CEP104: variants seen among roughly 807,000 people sequenced by gnomAD.
The protein encoded by CEP104 is centrosomal protein of 104 kDa.
Under a neutral mutation model 113.3 loss-of-function variants are expected in CEP104, and 84 were observed. That is an observed-to-expected ratio of 0.74 (90% CI 0.62 to 0.89). CEP104 has a LOEUF of 0.89. Among genes scored for constraint, CEP104 ranks in the 40% least tolerant of loss-of-function variants. The probability of loss-of-function intolerance (pLI) is 0.00; values close to 1 mark genes in which losing one functional copy is unlikely to be tolerated. For missense variants in CEP104, 1,053 were observed against 1,156.6 expected, an observed-to-expected ratio of 0.91 and a Z score of 1.30; for synonymous variants, 378 against 421.7, an observed-to-expected ratio of 0.90 and a Z score of 1.27.
chr1:3,849,183 C>A (rs1411334689), intron 2 of CEP104, among the ~76,000 whole-genome samples: 1 of 151,988 alleles, frequency 6.6e-6, no homozygotes, highest in Non-Finnish European at 1.5e-5. Context: ...TTAAGGAGTG[C>A]CTGCCTTTCA....
At chr1:3,820,537 G>A (rs1643953190) in intron 20 of CEP104, among the ~76,000 whole-genome samples, 1 of 152,376 alleles carries the variant, frequency 6.6e-6, no homozygotes, top group African/African-American at 2.4e-5. Flanking sequence ...AGTGGGGCAG[G>A]ATGGCGGCCT....
chr1:3,831,035 G>C lies in CEP104; in HGVS notation c.1836+11C>G, dbSNP rs1350087027. ...GGGCCGCGTGGTGTGTCACACGCGA[G>C]GTCTGCTTACCTTCATCACGTTGTC... is the stretch of plus-strand genomic sequence containing the variant. On this transcript the variant is annotated intron_variant, in intron 13 of 21. Transcript: ENST00000378230. 22 of 1,610,376 alleles carry C rather than the reference G, an allele frequency of 1.4e-5. No homozygotes were observed. The highest frequency in any genetic ancestry group is 1.1e-4 in the East Asian group (5 of 44,794).
rs1280493761 is a variant in CEP104 at position 3,848,698 on chromosome 1, T to C, written c.197A>G (p.Tyr66Cys). The change falls in exon 3 of 22, where the codon TAT (tyrosine) becomes TGT (cysteine). Residue 66 changes from tyrosine (Y) to cysteine (C), a missense_variant. Physicochemically the swap from Tyr to Cys is radical, Grantham distance 194. Transcript: ENST00000378230. ...IRKLQLLAHQYMISSKIEFYI... is the reference protein window; with the variant it reads ...IRKLQLLAHQCMISSKIEFYI... ...GAACTCAATTTTACTTGAAATCATA[T>C]ACTGGTGAGCAAGTAACTGCAGTTT... 2.5e-6 allele frequency: 4 copies of C among 1,613,866 alleles called. No homozygotes were observed. Among genetic ancestry groups the C allele is most frequent in the Admixed American group, 3.3e-5 (2 of 59,962 alleles).
chr1:3,812,519 A>G lies in CEP104; in HGVS notation c.*2883T>C, dbSNP rs1237045748. 2 of 152,142 alleles carry G rather than the reference A, an allele frequency of 1.3e-5. No homozygotes were observed. Among genetic ancestry groups the G allele is most frequent in the African/African-American group, 2.4e-5 (1 of 41,436 alleles). 9.4% of individuals were successfully genotyped at this position (152,142 alleles called of 1,614,324 possible). On this transcript the variant is annotated 3_prime_UTR_variant, in exon 22 of 22. Transcript: ENST00000378230. ...CCCTGTAAAACTCTCAATAGCCACT[A>G]ATCACTGGTAGGATCATTTCAACAA...
At chr1:3,841,936 G>A (rs1051426006) in intron 6 of CEP104, among the ~76,000 whole-genome samples, 64 of 152,234 alleles carry the variant, frequency 4.2e-4, no homozygotes, top group Admixed American at 1.5e-3. Context: ...TTGTGGAGAG[G>A]CTGGCAGGAG....
intron 1 of CEP104, chr1:3,855,852 G>A: frequency 1.0e-6 from 1 of 960,270 alleles, no homozygotes; most frequent in South Asian, 4.8e-5. Context: ...TGAACATCCA[G>A]TTATTGGCTG....
chr1:3,830,585 AAC>A (rs1431324585), intron 13 of CEP104, among the ~76,000 whole-genome samples: 6 of 151,920 alleles, frequency 3.9e-5, no homozygotes, highest in Admixed American at 3.9e-4. Context: ...CATCCTGGCT[AAC>A]ACAGTGAAAC....
rs1033535054 is a variant in CEP104 at position 3,814,307 on chromosome 1, G to C, written c.*1095C>G. ...CCTGACTCCCTCCACATGGCTGCCT[G>C]GATGTGACACAGGCCCAACCAAAGC... is the stretch of plus-strand genomic sequence containing the variant. On this transcript the variant is annotated 3_prime_UTR_variant, in exon 22 of 22. Transcript: ENST00000378230. 4 of 152,276 alleles carry C rather than the reference G, an allele frequency of 2.6e-5. No homozygotes were observed. The highest frequency in any genetic ancestry group is 9.6e-5 in the African/African-American group (4 of 41,472). 9.4% of individuals were successfully genotyped at this position (152,276 alleles called of 1,614,324 possible).
At chr1:3,827,848 T>C (rs555762128) in intron 15 of CEP104, among the ~76,000 whole-genome samples, 10 of 152,288 alleles carry the variant, frequency 6.6e-5, no homozygotes, top group South Asian at 4.2e-4. Context: ...CGTCTGCTCC[T>C]CCCTGGAGCC....
At chr1:3,845,763 A>G (rs1644495044) in intron 4 of CEP104, among the ~76,000 whole-genome samples, 1 of 152,258 alleles carries the variant, frequency 6.6e-6, no homozygotes, top group Admixed American at 6.5e-5. Context: ...AAATTATGTT[A>G]GTATTCTAAT....
chr1:3,840,519 T>C (rs1408555731), intron 6 of CEP104, among the ~76,000 whole-genome samples: 5 of 152,176 alleles, frequency 3.3e-5, no homozygotes. Context: ...ATTATAGGCC[T>C]GAGCCACTGC....
chr1:3,837,741 T>C (rs1644342362), intron 8 of CEP104, among the ~76,000 whole-genome samples: 1 of 152,266 alleles, frequency 6.6e-6, no homozygotes, highest in South Asian at 2.1e-4. Context: ...TCCACATTTC[T>C]GTGTTGACTA....
chr1:3,843,325 T>TAA lies in CEP104; in HGVS notation c.566+1580_566+1581dup, dbSNP rs60718273. ...GATTCACCCCCGGTTCTTACACTGCTAAAAAAAAAAAAAAAGAGGAAGCGG... is the reference window on the plus strand; with the variant it reads ...GATTCACCCCCGGTTCTTACACTGCTAAAAAAAAAAAAAAAAAGAGGAAGCGG... On this transcript the variant is annotated intron_variant, in intron 6 of 21. Coordinates refer to ENST00000378230, the MANE Select transcript of CEP104 (RefSeq NM_014704.4). The TAA allele has an allele frequency of 0.035, 13,263 of 383,214 alleles. 60 individuals carry two copies. Among genetic ancestry groups the TAA allele is most frequent in the East Asian group, 0.086 (2,172 of 25,228 alleles). The allele number at this position is 383,214 out of a possible 1,614,324, so 23.7% of individuals were successfully genotyped here. A position where few individuals can be genotyped will look rare whatever the true frequency, so the allele number is the denominator to read the frequency against.
chr1:3,852,985 G>T (rs914583309), intron 1 of CEP104, among the ~76,000 whole-genome samples: 2 of 152,252 alleles, frequency 1.3e-5, no homozygotes, highest in African/African-American at 4.8e-5. Flanking sequence ...CCTCCAGAGC[G>T]AGAGTGCAGC....
Position 3,831,138 on chromosome 1 carries a change from G to A in CEP104, c.1744C>T (p.His582Tyr), listed in dbSNP as rs1268040018. The A allele has an allele frequency of 1.2e-6, 2 of 1,614,250 alleles. No homozygotes were observed. Among genetic ancestry groups the A allele is most frequent in the South Asian group, 1.1e-5 (1 of 91,088 alleles). ...AGGCCCATCTGACTCATTGCCAGGT[G>A]AACTGAAGAGTTTGCTTTCAATGGC... is the stretch of plus-strand genomic sequence containing the variant. ...VQPLKANSSV[H>Y]LAMSQMGLLA... Residue 582 changes from histidine to tyrosine, a missense_variant, in exon 13 of 22, where the codon CAC (histidine) becomes TAC (tyrosine). By Grantham distance (83) the His-to-Tyr change is moderately conservative. Transcript: ENST00000378230.
At chr1:3,830,548 C>T (rs1165552225) in intron 13 of CEP104, among the ~76,000 whole-genome samples, 7 of 151,764 alleles carry the variant, frequency 4.6e-5, no homozygotes, top group Non-Finnish European at 7.4e-5. Context: ...CTGAGGCGGG[C>T]GGATCACGAG....
At chr1:3,828,653 G>A (rs1182115305) in intron 15 of CEP104, among the ~76,000 whole-genome samples, 2 of 152,150 alleles carry the variant, frequency 1.3e-5, no homozygotes, top group Non-Finnish European at 2.9e-5. Context: ...ACTCAGGTCT[G>A]CGGAACGGAA....
At chr1:3,816,408 A>G (rs1374862151) in intron 20 of CEP104, 38 bp from the exon 21 acceptor site, 1 of 1,497,540 alleles carries the variant, frequency 6.7e-7, no homozygotes, top group South Asian at 1.2e-5. Context: ...TAATCAGGCG[A>G]GACGGACCTG....
chr1:3,826,268 A>G (rs1644088855), intron 17 of CEP104, 102 bp downstream of exon 17: 3 of 948,496 alleles, frequency 3.2e-6, no homozygotes, highest in Non-Finnish European at 5.1e-6. Context: ...TTTTATGATG[A>G]CTACGAAGGG....
Sources: allele counts gnomAD v4.1 joint callset (sites outside exome capture counted in the v4.1 genomes callset), GRCh38; gene constraint gnomAD v4.1.1; transcripts MANE v1.5; gene names NCBI Gene and HGNC (gene_info 2026-07-23, HGNC 2026-07-21).